The following NAT10 variants were observed in gnomAD, a reference collection of about 807,000 sequenced individuals.
NAT10 encodes the protein RNA cytidine acetyltransferase.
NAT10 carries 109 observed loss-of-function variants against 132.2 expected under a neutral mutation model. The observed-to-expected ratio is 0.82, with a 90% confidence interval of 0.71 to 0.97. NAT10 has a LOEUF of 0.97. NAT10 is among the 50% of genes least tolerant of loss of function. The probability of loss-of-function intolerance (pLI) is 0.00; values close to 1 mark genes in which losing one functional copy is unlikely to be tolerated. For missense variants in NAT10, 1,184 were observed against 1,263.4 expected, an observed-to-expected ratio of 0.94 and a Z score of 0.95; for synonymous variants, 479 against 478.0, an observed-to-expected ratio of 1.00 and a Z score of -0.03.
At chr11:34,141,851 C>T in intron 26 of NAT10, 34 bp downstream of exon 26, 1 of 1,558,768 alleles carries the variant, frequency 6.4e-7, no homozygotes. Flanking sequence ...GGAGTCCCAG[C>T]ATTTCCATCA....
At chr11:34,138,995 T>C (rs1852268612) in intron 21 of NAT10, 196 bp from the exon 22 acceptor site, 1 of 572,292 alleles carries the variant, frequency 1.7e-6, no homozygotes, top group African/African-American at 1.9e-5. Flanking sequence ...TTTGCAGCTG[T>C]TGTGTGTGAA....
chr11:34,118,133 A>T (rs771990893), intron 6 of NAT10, 47 bp from the exon 7 acceptor site: 28 of 1,452,396 alleles, frequency 1.9e-5, no homozygotes, highest in Non-Finnish European at 2.7e-5. Flanking sequence ...CTGTATAGAC[A>T]TTGCATGCCC....
intron 3 of NAT10, among the ~76,000 whole-genome samples, chr11:34,111,302 C>T (rs916557741): frequency 6.6e-6 from 1 of 152,206 alleles, no homozygotes; most frequent in Non-Finnish European, 1.5e-5. Context: ...GACAAACTCA[C>T]CCACTGCCTT....
chr11:34,136,143 G>A (rs979611458), intron 19 of NAT10, among the ~76,000 whole-genome samples: 8 of 150,880 alleles, frequency 5.3e-5, no homozygotes, highest in African/African-American at 7.3e-5. Flanking sequence ...GTGTAATGGC[G>A]TGATCTCAGC....
intron 10 of NAT10, 39 bp downstream of exon 10, chr11:34,123,894 G>T (rs1363609187): frequency 6.7e-7 from 1 of 1,498,672 alleles, no homozygotes; most frequent in Non-Finnish European, 9.3e-7. Context: ...TTTGGACCTG[G>T]TGTGGTGGCT....
intron 11 of NAT10, among the ~76,000 whole-genome samples, chr11:34,126,052 C>T (rs1851986028): frequency 6.6e-6 from 1 of 152,174 alleles, no homozygotes; most frequent in Non-Finnish European, 1.5e-5. Flanking sequence ...AGCAGAACAT[C>T]TTATTTGTAA....
chr11:34,105,849 T>G (rs1303578061), intron 1 of NAT10, 57 bp downstream of exon 1: 1 of 152,310 alleles, frequency 6.6e-6, no homozygotes, highest in Non-Finnish European at 1.5e-5. Context: ...GTGTTCTTCC[T>G]GGGTCGAGAG....
Position 34,133,098 on chromosome 11 carries a change from C to T in NAT10, c.1690C>T (p.Pro564Ser), listed in dbSNP as rs61735311. The T allele has an allele frequency of 0.021, 33,346 of 1,611,422 alleles. 459 individuals carry two copies. Among genetic ancestry groups the T allele is most frequent in the Middle Eastern group, 0.065 (395 of 6,050 alleles). Residue 564 changes from proline to serine, a missense_variant, in exon 16 of 29, where the codon CCC (proline) becomes TCC (serine). By Grantham distance (74) the Pro-to-Ser change is moderately conservative. Coordinates refer to ENST00000257829, the MANE Select transcript of NAT10 (RefSeq NM_024662.3). ...TCTCTTCTGCCTTCTGCCTCCCGTGCCCCCCACCCAGAATGCCCTTCCAGA... is the reference window on the plus strand; with the variant it reads ...TCTCTTCTGCCTTCTGCCTCCCGTGTCCCCCACCCAGAATGCCCTTCCAGA... ...HHLFCLLPPV[P>S]PTQNALPEVL...
chr11:34,127,351 G>A, intron 11 of NAT10, 112 bp from the exon 12 acceptor site: 3 of 1,213,226 alleles, frequency 2.5e-6, no homozygotes, highest in Non-Finnish European at 3.5e-6. Context: ...TGAGAGGAGA[G>A]AAGGAAACAG....
chr11:34,115,972 A>G (rs934588586), intron 6 of NAT10, 88 bp downstream of exon 6: 1 of 1,322,958 alleles, frequency 7.6e-7, no homozygotes, highest in East Asian at 2.3e-5. Context: ...TTGCTTTTAT[A>G]TTGGGGAAAG....
intron 12 of NAT10, among the ~76,000 whole-genome samples, chr11:34,128,231 G>T (rs1015583019): frequency 6.6e-6 from 1 of 151,992 alleles, no homozygotes; most frequent in Non-Finnish European, 1.5e-5. Flanking sequence ...GCGCGTGCCT[G>T]TAATCCCAGC....
chr11:34,121,076 A>G (rs1851884227), intron 8 of NAT10, among the ~76,000 whole-genome samples: 2 of 152,104 alleles, frequency 1.3e-5, no homozygotes, highest in South Asian at 2.1e-4. Context: ...TTTTTGGAGG[A>G]TCTTTCAGGC....
rs114793700 is a variant in NAT10, at chr11:34,122,742, C to T, written c.914+150C>T. On this transcript the variant is annotated intron_variant, in intron 9 of 28. Coordinates refer to ENST00000257829, the MANE Select transcript of NAT10 (RefSeq NM_024662.3). ...ATTTCTCTAGGTCTTGATTTCCTGC[C>T]AGGAAACAGCAGCACTGTTTCCCCA... The T allele has an allele frequency of 1.3e-4, 138 of 1,078,174 alleles. No homozygotes were observed. The African/African-American group carries it at 2.0e-3, about 16-fold the overall frequency. The allele number at this position is 1,078,174 out of a possible 1,614,324, so 66.8% of individuals were successfully genotyped here.
At chr11:34,129,744 G>A (rs1259429702) in intron 12 of NAT10, among the ~76,000 whole-genome samples, 1 of 151,390 alleles carries the variant, frequency 6.6e-6, no homozygotes, top group Non-Finnish European at 1.5e-5. Flanking sequence ...GAGTAGCTGG[G>A]ATTACAGGTG....
At chr11:34,126,121 C>T (rs1851987986) in intron 11 of NAT10, among the ~76,000 whole-genome samples, 1 of 152,220 alleles carries the variant, frequency 6.6e-6, no homozygotes, top group African/African-American at 2.4e-5. Context: ...AGGCACCCAA[C>T]ACTCAGGTTT....
intron 13 of NAT10, 45 bp from the exon 14 acceptor site, chr11:34,131,335 AT>A (rs1350849778): frequency 6.4e-7 from 1 of 1,570,798 alleles, no homozygotes; most frequent in East Asian, 2.3e-5. Flanking sequence ...GACAATACAT[AT>A]TTAATCATTG....
intron 26 of NAT10, 143 bp from the exon 27 acceptor site, chr11:34,142,132 C>A: frequency 1.3e-6 from 1 of 757,996 alleles, no homozygotes; most frequent in Non-Finnish European, 2.2e-6. Context: ...ATAATCAAAG[C>A]TGCCTACAAG....
chr11:34,130,669 T>C, intron 12 of NAT10, 144 bp from the exon 13 acceptor site: 1 of 1,078,776 alleles, frequency 9.3e-7, no homozygotes, highest in Non-Finnish European at 1.3e-6. Context: ...GTGCCTGCTA[T>C]GCTGGAAGTT....
chr11:34,140,398 A>G lies in NAT10; in HGVS notation c.2420-2A>G, dbSNP rs1052365732. 6.2e-7 allele frequency: 1 copy of G among 1,612,104 alleles called. No homozygotes were observed. Among genetic ancestry groups the G allele is most frequent in the Non-Finnish European group, 8.5e-7 (1 of 1,178,308 alleles). On this transcript the variant is annotated splice_acceptor_variant, in intron 23 of 28. Transcript: ENST00000257829. LOFTEE classifies it high-confidence loss of function. ...CTGTCTAGCTCTCTATCCCATGGAC[A>G]GCCCTGAGCCGGGAGGAGCTGGAAG...
Sources: gnomAD v4.1 joint callset for allele counts (sites outside exome capture counted in the v4.1 genomes callset) on GRCh38, gnomAD v4.1.1 for gene constraint, MANE v1.5 for transcripts, NCBI Gene and HGNC (gene_info 2026-07-23, HGNC 2026-07-21) for gene names.